Variants in ST6GALNAC3 observed in about 807,000 individuals in gnomAD.
ST6GALNAC3 encodes ST6 N-acetylgalactosaminide alpha-2,6-sialyltransferase 3.
ST6GALNAC3 carries 25 observed loss-of-function variants against 32.7 expected under a neutral mutation model. That is an observed-to-expected ratio of 0.76 (90% CI 0.56 to 1.07). The LOEUF is 1.07. Ranked by LOEUF, ST6GALNAC3 falls within the 50% of genes least tolerant of loss-of-function variation. The probability of loss-of-function intolerance (pLI) is 0.00; values close to 1 mark genes in which losing one functional copy is unlikely to be tolerated. For synonymous variants in ST6GALNAC3, 129 were observed against 133.1 expected, an observed-to-expected ratio of 0.97 and a Z score of 0.21; for missense variants, 355 against 382.4, an observed-to-expected ratio of 0.93 and a Z score of 0.60.
chr1:76,313,744 CT>C, intron 1 of ST6GALNAC3, 60 bp from the exon 2 acceptor site: 1 of 1,566,298 alleles, frequency 6.4e-7, no homozygotes, highest in Non-Finnish European at 8.8e-7. Context: ...GAACCTCCTT[CT>C]GTGACTGCCT....
chr1:76,515,331 A>T (rs1224794155), intron 3 of ST6GALNAC3, among the ~76,000 whole-genome samples: 2 of 151,752 alleles, frequency 1.3e-5, no homozygotes, highest in African/African-American at 4.8e-5. Context: ...ATATTTTTTC[A>T]TAGACTAGCT....
intron 1 of ST6GALNAC3, among the ~76,000 whole-genome samples, chr1:76,239,319 G>T (rs1484208230): frequency 6.6e-6 from 1 of 152,146 alleles, no homozygotes; most frequent in Non-Finnish European, 1.5e-5. Context: ...CGTGGAGGAA[G>T]GGGGAAGGAT....
intron 1 of ST6GALNAC3, among the ~76,000 whole-genome samples, chr1:76,293,301 A>G (rs1349398635): frequency 6.6e-6 from 1 of 152,218 alleles, no homozygotes; most frequent in African/African-American, 2.4e-5. Flanking sequence ...GATTTGATCA[A>G]CAGTACTGGC....
chr1:76,522,006 G>A (rs966452704), intron 3 of ST6GALNAC3, among the ~76,000 whole-genome samples: 1 of 151,762 alleles, frequency 6.6e-6, no homozygotes, highest in Non-Finnish European at 1.5e-5. Flanking sequence ...GAACTCAGGA[G>A]GTGGAGGTTG....
chr1:76,192,918 T>A (rs561534584), intron 1 of ST6GALNAC3, among the ~76,000 whole-genome samples: 1 of 152,308 alleles, frequency 6.6e-6, no homozygotes, highest in African/African-American at 2.4e-5. Flanking sequence ...TTATTAATCC[T>A]TTTATCTTCT....
chr1:76,248,653 T>G (rs1657443336), intron 1 of ST6GALNAC3, among the ~76,000 whole-genome samples: 1 of 152,212 alleles, frequency 6.6e-6, no homozygotes, highest in Non-Finnish European at 1.5e-5. Flanking sequence ...TTTCCAATAC[T>G]TCTCTCTCAG....
intron 1 of ST6GALNAC3, among the ~76,000 whole-genome samples, chr1:76,300,302 C>T (rs532658735): frequency 1.1e-4 from 16 of 152,092 alleles, no homozygotes; most frequent in African/African-American, 3.9e-4. Context: ...TAAAGGCATG[C>T]CTAACTCTGT....
At chr1:76,596,773 A>G (rs1170840308) in intron 3 of ST6GALNAC3, among the ~76,000 whole-genome samples, 2 of 152,140 alleles carry the variant, frequency 1.3e-5, no homozygotes, top group Non-Finnish European at 2.9e-5. Flanking sequence ...AACTGTTGCT[A>G]TCAATGGATC....
intron 1 of ST6GALNAC3, among the ~76,000 whole-genome samples, chr1:76,286,388 T>C (rs1214146451): frequency 6.6e-6 from 1 of 152,236 alleles, no homozygotes; most frequent in Non-Finnish European, 1.5e-5. Flanking sequence ...GGTCCAATTT[T>C]TTCTGCAGAG....
chr1:76,268,250 G>A (rs1239364506), intron 1 of ST6GALNAC3, among the ~76,000 whole-genome samples: 1 of 152,194 alleles, frequency 6.6e-6, no homozygotes, highest in Non-Finnish European at 1.5e-5. Context: ...TTGCCAAATG[G>A]ATTTGCCATT....
chr1:76,400,434 G>T (rs1653316231), intron 2 of ST6GALNAC3, among the ~76,000 whole-genome samples: 1 of 152,114 alleles, frequency 6.6e-6, no homozygotes, highest in South Asian at 2.1e-4. Context: ...AAATATAACA[G>T]CCAACAGACA....
At chr1:76,307,240 G>T (rs573245908) in intron 1 of ST6GALNAC3, among the ~76,000 whole-genome samples, 1 of 152,166 alleles carries the variant, frequency 6.6e-6, no homozygotes, top group East Asian at 1.9e-4. Flanking sequence ...GTTTTTCCTA[G>T]AGTTCACTAT....
At chr1:76,601,463 C>T (rs1394756555) in intron 3 of ST6GALNAC3, among the ~76,000 whole-genome samples, 3 of 151,722 alleles carry the variant, frequency 2.0e-5, no homozygotes, top group Non-Finnish European at 4.4e-5. Context: ...TCATTAGCTC[C>T]GGAAGTAAAG....
chr1:76,425,195 T>C (rs573517482), intron 3 of ST6GALNAC3, among the ~76,000 whole-genome samples: 1 of 152,016 alleles, frequency 6.6e-6, no homozygotes, highest in African/African-American at 2.4e-5. Flanking sequence ...AACTTTTCAG[T>C]GCCAGTGAGA....
At chr1:76,130,888 A>T (rs950247026) in intron 1 of ST6GALNAC3, among the ~76,000 whole-genome samples, 3 of 152,224 alleles carry the variant, frequency 2.0e-5, no homozygotes, top group African/African-American at 7.2e-5. Flanking sequence ...TGCTGTGGAC[A>T]TTTGAAGTTT....
At chr1:76,329,829 G>A (rs1017375285) in intron 2 of ST6GALNAC3, among the ~76,000 whole-genome samples, 2 of 133,154 alleles carry the variant, frequency 1.5e-5, no homozygotes, top group Non-Finnish European at 3.2e-5. Flanking sequence ...TATTTTTTGA[G>A]ATGGAGTCTT....
At chr1:76,582,327 TAAC>T (rs1646903440) in intron 3 of ST6GALNAC3, among the ~76,000 whole-genome samples, 1 of 152,188 alleles carries the variant, frequency 6.6e-6, no homozygotes, top group Admixed American at 6.5e-5. Flanking sequence ...CTTGGATTTA[TAAC>T]AACTTGGTGG....
intron 3 of ST6GALNAC3, among the ~76,000 whole-genome samples, chr1:76,483,434 G>C (rs2101663523): frequency 6.6e-6 from 1 of 152,246 alleles, no homozygotes; most frequent in Non-Finnish European, 1.5e-5. Context: ...GTGTGAGATG[G>C]TATCTCATTG....
intron 3 of ST6GALNAC3, among the ~76,000 whole-genome samples, chr1:76,484,548 C>T (rs1487614316): frequency 6.6e-6 from 1 of 152,126 alleles, no homozygotes; most frequent in East Asian, 1.9e-4. Flanking sequence ...TATAAGAATG[C>T]TTGTGATTTT....
Sources: gnomAD v4.1 joint callset for allele counts (sites outside exome capture counted in the v4.1 genomes callset) on GRCh38, gnomAD v4.1.1 for gene constraint, MANE v1.5 for transcripts, NCBI Gene and HGNC (gene_info 2026-07-23, HGNC 2026-07-21) for gene names.